NKAIN3: variants seen among roughly 807,000 people sequenced by gnomAD.
NKAIN3 encodes the protein sodium/potassium transporting ATPase interacting 3.
A neutral mutation model predicts 30.2 loss-of-function variants in NKAIN3; 25 were observed. The ratio of observed to expected loss-of-function variants is 0.83; its 90% CI spans 0.60 to 1.16. The LOEUF (loss-of-function observed/expected upper bound fraction) is 1.16, where lower values mean the gene tolerates loss of function less well. NKAIN3 is among the 50% of genes most tolerant of loss of function. NKAIN3 has a pLI of 0.00. For synonymous variants in NKAIN3, 91 were observed against 89.6 expected (o/e 1.02, Z -0.09); for missense variants, 225 against 254.1 (o/e 0.89, Z 0.78).
chr8:62,704,039 A>T (rs534457780), intron 3 of NKAIN3, among the ~76,000 whole-genome samples: 1 of 152,194 alleles, frequency 6.6e-6, no homozygotes, highest in South Asian at 2.1e-4. Context: ...CAATATGTCA[A>T]CTTACGATAA....
At chr8:62,900,758 T>C (rs960138926) in intron 4 of NKAIN3, among the ~76,000 whole-genome samples, 4 of 152,202 alleles carry the variant, frequency 2.6e-5, no homozygotes, top group Non-Finnish European at 5.9e-5. Context: ...AAACTGAGGC[T>C]CAGTGAGGTT....
intron 1 of NKAIN3, among the ~76,000 whole-genome samples, chr8:62,446,652 T>C (rs1457238682): frequency 6.6e-6 from 1 of 152,110 alleles, no homozygotes; most frequent in African/African-American, 2.4e-5. Context: ...TTGGTAAACA[T>C]CATTCTACTT....
intron 1 of NKAIN3, among the ~76,000 whole-genome samples, chr8:62,360,172 G>T (rs1458447912): frequency 6.6e-6 from 1 of 152,208 alleles, no homozygotes; most frequent in Non-Finnish European, 1.5e-5. Context: ...GAGTCACCAG[G>T]TAGCTATTAG....
chr8:62,386,914 T>TGAGAGA (rs141443243), intron 1 of NKAIN3, among the ~76,000 whole-genome samples: 2,977 of 147,928 alleles, frequency 0.02, 32 homozygotes, highest in Middle Eastern at 0.045. Flanking sequence ...AATTGATATA[T>TGAGAGA]GAGAGAGAGA....
At chr8:62,614,916 G>A (rs1811403825) in intron 3 of NKAIN3, among the ~76,000 whole-genome samples, 1 of 152,154 alleles carries the variant, frequency 6.6e-6, no homozygotes, top group East Asian at 1.9e-4. Context: ...CTCTGGCCCA[G>A]GGCAGGTCCA....
chr8:62,654,096 A>G (rs1812700058), intron 3 of NKAIN3, among the ~76,000 whole-genome samples: 1 of 152,106 alleles, frequency 6.6e-6, no homozygotes, highest in Admixed American at 6.6e-5. Flanking sequence ...GGGGACTCCT[A>G]TCACTAACAT....
intron 4 of NKAIN3, among the ~76,000 whole-genome samples, chr8:62,906,538 C>T (rs1821784295): frequency 6.6e-6 from 1 of 152,140 alleles, no homozygotes; most frequent in South Asian, 2.1e-4. Flanking sequence ...ACCCAAATCT[C>T]ATCTTGAATT....
intron 4 of NKAIN3, chr8:62,863,186 T>A: frequency 6.5e-7 from 1 of 1,539,174 alleles, no homozygotes; most frequent in Non-Finnish European, 8.9e-7. Flanking sequence ...AATTCTTCTA[T>A]CTCCTGCAGG....
intron 1 of NKAIN3, among the ~76,000 whole-genome samples, chr8:62,343,813 A>T (rs1360012152): frequency 1.3e-5 from 2 of 151,184 alleles, no homozygotes; most frequent in African/African-American, 4.9e-5. Context: ...TCTATCTCTT[A>T]AAAAAAAAGT....
At chr8:62,781,237 T>C (rs1409144407) in intron 4 of NKAIN3, among the ~76,000 whole-genome samples, 2 of 151,792 alleles carry the variant, frequency 1.3e-5, no homozygotes, top group Non-Finnish European at 2.9e-5. Flanking sequence ...ATGTGAAATA[T>C]ATCTACAAGA....
At chr8:62,504,377 A>T (rs986363782) in intron 1 of NKAIN3, among the ~76,000 whole-genome samples, 2 of 152,158 alleles carry the variant, frequency 1.3e-5, no homozygotes. Flanking sequence ...TGCATATGAG[A>T]TATTCTCTAT....
chr8:62,876,823 G>A (rs1820810431), intron 4 of NKAIN3, among the ~76,000 whole-genome samples: 2 of 151,924 alleles, frequency 1.3e-5, no homozygotes, highest in African/African-American at 4.8e-5. Flanking sequence ...GGGTGGGGGT[G>A]AGGCAAGGAA....
At chr8:62,364,829 A>AAAAG (rs1491369863) in intron 1 of NKAIN3, among the ~76,000 whole-genome samples, 1 of 15,248 alleles carries the variant, frequency 6.6e-5, no homozygotes, top group Non-Finnish European at 1.8e-4. Context: ...ACTCCACTAC[A>AAAAG]AAAAAAAAAA....
intron 1 of NKAIN3, among the ~76,000 whole-genome samples, chr8:62,371,115 G>T (rs1013090381): frequency 6.6e-6 from 1 of 151,762 alleles, no homozygotes; most frequent in African/African-American, 2.4e-5. Flanking sequence ...TATCCTCAAA[G>T]TCTGTGAAAA....
intron 1 of NKAIN3, among the ~76,000 whole-genome samples, chr8:62,305,226 C>T (rs1814190725): frequency 1.3e-5 from 2 of 150,072 alleles, no homozygotes; most frequent in Admixed American, 1.3e-4. Flanking sequence ...ATTTTTATTG[C>T]TTCTTTAGTT....
At chr8:62,478,358 C>T (rs1264718907) in intron 1 of NKAIN3, among the ~76,000 whole-genome samples, 1 of 152,190 alleles carries the variant, frequency 6.6e-6, no homozygotes, top group Non-Finnish European at 1.5e-5. Flanking sequence ...AGGTCACAGA[C>T]TCCAATGGCC....
intron 3 of NKAIN3, among the ~76,000 whole-genome samples, chr8:62,744,717 C>A (rs950139755): frequency 1.3e-5 from 2 of 152,076 alleles, no homozygotes; most frequent in Non-Finnish European, 2.9e-5. Context: ...AATTGCCTTG[C>A]GTTAAACTGA....
intron 1 of NKAIN3, among the ~76,000 whole-genome samples, chr8:62,314,642 A>G (rs1814553736): frequency 6.6e-6 from 1 of 152,176 alleles, no homozygotes; most frequent in Non-Finnish European, 1.5e-5. Flanking sequence ...TCTAAGCATT[A>G]GGTCACTCGC....
chr8:62,812,035 G>T (rs948595888), intron 4 of NKAIN3, among the ~76,000 whole-genome samples: 19 of 151,872 alleles, frequency 1.3e-4, no homozygotes, highest in African/African-American at 3.6e-4. Context: ...GAAAATTTAG[G>T]TCAAGCTTTA....
Sources: gnomAD v4.1 joint callset for allele counts (sites outside exome capture counted in the v4.1 genomes callset) on GRCh38, gnomAD v4.1.1 for gene constraint, MANE v1.5 for transcripts, NCBI Gene and HGNC (gene_info 2026-07-23, HGNC 2026-07-21) for gene names.